The following VOPP1 variants were observed in gnomAD, a reference collection of about 807,000 sequenced individuals.
The protein encoded by VOPP1 is WW domain binding protein VOPP1.
Under a neutral mutation model 23.5 loss-of-function variants are expected in VOPP1, and 8 were observed. The observed-to-expected ratio is 0.34, with a 90% confidence interval of 0.20 to 0.61. The LOEUF (loss-of-function observed/expected upper bound fraction) is 0.61, where lower values mean the gene tolerates loss of function less well. VOPP1 is among the 20% of genes least tolerant of loss of function. VOPP1 has a pLI of 0.78. For missense variants in VOPP1, 174 were observed against 238.1 expected (o/e 0.73, Z 1.77); for synonymous variants, 83 against 97.3 (o/e 0.85, Z 0.86).
At chr7:55,544,297 G>A (rs961697226) in intron 1 of VOPP1, among the ~76,000 whole-genome samples, 1 of 152,100 alleles carries the variant, frequency 6.6e-6, no homozygotes, top group African/African-American at 2.4e-5. Context: ...GACCAAAAGC[G>A]ACACAAGAAG....
chr7:55,488,697 G>A (rs1793334449), intron 4 of VOPP1, among the ~76,000 whole-genome samples: 1 of 151,670 alleles, frequency 6.6e-6, no homozygotes, highest in African/African-American at 2.4e-5. Flanking sequence ...GCCCCAGTGG[G>A]TGAGTCTGGG....
At chr7:55,542,129 T>G (rs978601012) in intron 1 of VOPP1, among the ~76,000 whole-genome samples, 7 of 152,174 alleles carry the variant, frequency 4.6e-5, no homozygotes, top group African/African-American at 1.7e-4. Context: ...TTTAACAAAT[T>G]TTATGGATTC....
At chr7:55,466,369 A>T (rs148583862), downstream of VOPP1, among the ~76,000 whole-genome samples, 82 of 152,298 alleles carry the variant, frequency 5.4e-4, no homozygotes, top group African/African-American at 1.8e-3. Context: ...GTCAAAATGG[A>T]GGGAGGGACT....
intron 1 of VOPP1, chr7:55,552,651 A>G: frequency 1.3e-5 from 20 of 1,536,006 alleles, no homozygotes; most frequent in Non-Finnish European, 1.7e-5. Flanking sequence ...CCCTTTTCCT[A>G]CCATATGACA....
chr7:55,505,461 G>A (rs904768639), intron 2 of VOPP1, among the ~76,000 whole-genome samples: 1 of 152,024 alleles, frequency 6.6e-6, no homozygotes, highest in Non-Finnish European at 1.5e-5. Context: ...GGAGGGTGAC[G>A]TGGTAAGACG....
intron 1 of VOPP1, among the ~76,000 whole-genome samples, chr7:55,567,117 C>A (rs563520445): frequency 2.6e-4 from 39 of 152,346 alleles, no homozygotes; most frequent in African/African-American, 9.4e-4. Context: ...GATCAACTGC[C>A]TCTTCTTTTC....
chr7:55,500,791 C>A (rs1372893851), intron 2 of VOPP1, among the ~76,000 whole-genome samples: 1 of 152,150 alleles, frequency 6.6e-6, no homozygotes. Flanking sequence ...AGAAGCAAGA[C>A]GTTAGAGATG....
intron 2 of VOPP1, among the ~76,000 whole-genome samples, chr7:55,519,853 C>T (rs569813738): frequency 2.0e-5 from 3 of 152,186 alleles, no homozygotes; most frequent in African/African-American, 4.8e-5. Context: ...AGAGGCTGGG[C>T]GAGGTGACTC....
In VOPP1 at chr7:55,572,257, TC is replaced by T. The variant is rs1264999598; in HGVS notation, c.54+13del. The T allele has an allele frequency of 3.3e-6, 5 of 1,519,828 alleles. No individual in the cohort carries two copies. The highest frequency in any genetic ancestry group is 1.2e-5 in the South Asian group (1 of 82,242). 94.1% of individuals were successfully genotyped at this position (1,519,828 alleles called of 1,614,324 possible). A position where few individuals can be genotyped will look rare whatever the true frequency, so the allele number is the denominator to read the frequency against. On this transcript the variant is annotated intron_variant, in intron 1 of 4. Transcript: ENST00000285279. ...GCGCCGCGCCTCCGGCAGCACCCGG[TC>T]CCCGGCCCCTACCTCCAAGAGCAGC...
chr7:55,563,619 T>C (rs539434067), intron 1 of VOPP1, among the ~76,000 whole-genome samples: 116 of 152,358 alleles, frequency 7.6e-4, no homozygotes, highest in African/African-American at 2.7e-3. Context: ...ATGAAATTCA[T>C]TTATGTTCAT....
chr7:55,487,366 C>G (rs1793217975), intron 4 of VOPP1, among the ~76,000 whole-genome samples: 1 of 152,212 alleles, frequency 6.6e-6, no homozygotes, highest in Non-Finnish European at 1.5e-5. Flanking sequence ...TTAAAGAAAA[C>G]TTGAATCACA....
At chr7:55,564,249 C>G (rs55896051) in intron 1 of VOPP1, among the ~76,000 whole-genome samples, 5 of 123,518 alleles carry the variant, frequency 4.0e-5, no homozygotes, top group African/African-American at 1.2e-4. Flanking sequence ...CTCTGTCTCT[C>G]TCTCTCTCTC....
intron 2 of VOPP1, among the ~76,000 whole-genome samples, chr7:55,517,609 C>G (rs1049123685): frequency 1.3e-4 from 20 of 152,146 alleles, no homozygotes; most frequent in African/African-American, 4.8e-4. Flanking sequence ...GCCTTCTCCA[C>G]CAAGGCAGCA....
intron 4 of VOPP1, among the ~76,000 whole-genome samples, chr7:55,441,309 C>G (rs527367159): frequency 2.0e-5 from 3 of 152,322 alleles, no homozygotes; most frequent in African/African-American, 4.8e-5. Flanking sequence ...CCTTGCCCCT[C>G]TCTCCGATTT....
intron 2 of VOPP1, among the ~76,000 whole-genome samples, chr7:55,512,340 C>T (rs1485286854): frequency 2.0e-5 from 3 of 151,940 alleles, no homozygotes; most frequent in East Asian, 1.9e-4. Flanking sequence ...ACAGGAGAGT[C>T]GCCTGGACCT....
chr7:55,547,134 G>A (rs1354268303), intron 1 of VOPP1, among the ~76,000 whole-genome samples: 1 of 152,228 alleles, frequency 6.6e-6, no homozygotes, highest in Non-Finnish European at 1.5e-5. Context: ...CAGAGCTGTA[G>A]GAGGGAGTGG....
chr7:55,453,186 C>T (rs1416991047), intron 4 of VOPP1, among the ~76,000 whole-genome samples: 1 of 152,202 alleles, frequency 6.6e-6, no homozygotes, highest in East Asian at 1.9e-4. Flanking sequence ...TTTCTTAAAC[C>T]ACATAAACCA....
chr7:55,537,844 G>A (rs1584070632), intron 1 of VOPP1: 1 of 679,238 alleles, frequency 1.5e-6, no homozygotes, highest in East Asian at 4.0e-5. Context: ...ACCCATGAAA[G>A]GGGGAACTGC....
Position 55,538,696 on chromosome 7 carries a change from G to A in VOPP1, c.55-17566C>T, listed in dbSNP as rs962754629. On this transcript the variant is annotated intron_variant, in intron 1 of 4. Coordinates refer to ENST00000285279, the MANE Select transcript of VOPP1 (RefSeq NM_030796.5). ...AAAAACAGCTACAAACTACTTAGCT[G>A]TTCATCAAGAGAGGGCGGATTAAAA... 3.3e-6 allele frequency: 5 copies of A among 1,532,656 alleles called. No homozygotes were observed. The African/African-American group carries it at 4.1e-5, about 13-fold the overall frequency. The allele number at this position is 1,532,656 out of a possible 1,614,324, so 94.9% of individuals were successfully genotyped here. A position where few individuals can be genotyped will look rare whatever the true frequency, so the allele number is the denominator to read the frequency against.
Sources: gnomAD v4.1 joint callset for allele counts (sites outside exome capture counted in the v4.1 genomes callset) on GRCh38, gnomAD v4.1.1 for gene constraint, MANE v1.5 for transcripts, NCBI Gene and HGNC (gene_info 2026-07-23, HGNC 2026-07-21) for gene names.